Variants in RAD23A observed in about 807,000 individuals in gnomAD.
The protein encoded by RAD23A is lysine-specific demethylase RAD23A.
Under a neutral mutation model 44.8 loss-of-function variants are expected in RAD23A, and 16 were observed. The observed-to-expected ratio is 0.36, with a 90% CI of 0.24 to 0.54. The LOEUF is 0.54. Ranked by LOEUF, RAD23A falls within the 20% of genes least tolerant of loss-of-function variation. RAD23A has a pLI of 0.89. For synonymous variants in RAD23A, 217 were observed against 202.9 expected (o/e 1.07, Z -0.59); for missense variants, 380 against 483.3 (o/e 0.79, Z 2.00).
At position 12,948,805 on chromosome 19, in the gene RAD23A, C is replaced by G. The variant is rs769180661; in HGVS notation, c.592C>G (p.Leu198Val). The G allele has an allele frequency of 1.9e-5, 30 of 1,607,556 alleles. No homozygotes were observed. The highest frequency in any genetic ancestry group is 2.5e-5 in the Non-Finnish European group (29 of 1,177,826). ...CAACCCCCACCGAGCCGTGGAGTAT[C>G]TGCTCACGGTGAGGTGGGGCTTCCG... ...YNNPHRAVEY[L>V]LTGIPGSPEP... Residue 198 changes from leucine to valine, a missense_variant, in exon 5 of 9, where the codon CTG becomes GTG. Coordinates refer to ENST00000586534, the MANE Select transcript of RAD23A (RefSeq NM_005053.4). The surrounding 1 kb of genome is among the most constrained non-coding windows in gnomAD (Gnocchi z 5.5).
Position 12,948,157 on chromosome 19 carries a change from C to A in RAD23A, c.235-20C>A. On this transcript the variant is annotated intron_variant, in intron 2 of 8. Coordinates refer to ENST00000586534, the MANE Select transcript of RAD23A (RefSeq NM_005053.4). The surrounding 1 kb of genome is among the most constrained non-coding windows in gnomAD (Gnocchi z 5.5). ...CTGATAGGGTTGCTGATGCCAGCTC[C>A]CTTTTTCTTGCTGTTGCAGACCAAA... is the stretch of plus-strand genomic sequence containing the variant. The A allele has an allele frequency of 6.2e-7, 1 of 1,613,930 alleles. No individual in the cohort carries two copies. Among genetic ancestry groups the A allele is most frequent in the Non-Finnish European group, 8.5e-7 (1 of 1,179,956 alleles).
intron 1 of RAD23A, 49 bp downstream of exon 1, chr19:12,946,069 T>TGGGGGGGGGG (rs1555761820): frequency 1.2e-4 from 21 of 171,506 alleles, no homozygotes; most frequent in East Asian, 3.9e-4. Flanking sequence ...GTTTCGGGGG[T>TGGGGGGGGGG]GGGGTGGGGG....
intron 1 of RAD23A, among the ~76,000 whole-genome samples, chr19:12,947,614 CTG>C (rs1338341494): frequency 2.0e-5 from 3 of 152,172 alleles, no homozygotes; most frequent in Non-Finnish European, 4.4e-5. Flanking sequence ...GCTGTGGCCT[CTG>C]TGTCTAAAAC....
intron 7 of RAD23A, 153 bp downstream of exon 7, chr19:12,949,561 AC>A: frequency 1.9e-6 from 2 of 1,062,688 alleles, no homozygotes; most frequent in South Asian, 3.2e-5. Flanking sequence ...TGACCTGGTG[AC>A]CCCCCTGGTT....
At position 12,948,482 on chromosome 19, in the gene RAD23A, C is replaced by T. The variant is rs1371312175; in HGVS notation, c.417-15C>T. 5.1e-6 allele frequency: 8 copies of T among 1,575,374 alleles called. No individual in the cohort carries two copies. Among genetic ancestry groups the T allele is most frequent in the Non-Finnish European group, 6.9e-6 (8 of 1,161,566 alleles). ...CCAGAAGCCAGGGTCCGATTTCTCTCTCTTGAATTTGCAGCTCTGTTCCCT... is the reference window on the plus strand; with the variant it reads ...CCAGAAGCCAGGGTCCGATTTCTCTTTCTTGAATTTGCAGCTCTGTTCCCT... On this transcript the variant is annotated splice_polypyrimidine_tract_variant and intron_variant, in intron 3 of 8. Transcript: ENST00000586534. This position sits in a 1 kb window ranked among gnomAD's most constrained non-coding sequence, Gnocchi z 5.5.
At chr19:12,946,105 G>A in intron 1 of RAD23A, 85 bp downstream of exon 1, 1 of 1,316,178 alleles carries the variant, frequency 7.6e-7, no homozygotes, top group Non-Finnish European at 1.0e-6. Flanking sequence ...CCCAACGGGA[G>A]GGGCAGGGAG....
rs759608599 is a variant in RAD23A, at chr19:12,946,022, TGCGGGCCGGGCCGGAGCCCGGGG to T, written c.72+8_72+30del. The T allele has an allele frequency of 8.5e-7, 1 of 1,178,000 alleles. No homozygotes were observed. Among genetic ancestry groups the T allele is most frequent in the East Asian group, 6.7e-5 (1 of 14,836 alleles). 73.0% of individuals were successfully genotyped at this position (1,178,000 alleles called of 1,614,324 possible). ...ATCCGCATGGAGCCTGACGAGACGG[TGCGGGCCGGGCCGGAGCCCGGGG>T]GCGGGAGCGACGGGTTTCGGGGGTG... On this transcript the variant is annotated splice_donor_5th_base_variant and intron_variant, in intron 1 of 8. Transcript: ENST00000586534.
At chr19:12,951,189 C>T (rs536107112) in intron 7 of RAD23A, among the ~76,000 whole-genome samples, 1 of 152,274 alleles carries the variant, frequency 6.6e-6, no homozygotes, top group Admixed American at 6.5e-5. Context: ...GTTGCCCAGG[C>T]TGGTTTTGAA....
rs910578874 is a variant in RAD23A at position 12,949,304 on chromosome 19, G to C, written c.709G>C (p.Asp237His). 1.2e-6 allele frequency: 2 copies of C among 1,614,000 alleles called. No individual in the cohort carries two copies. Among genetic ancestry groups the C allele is most frequent in the African/African-American group, 2.7e-5 (2 of 74,922 alleles). ...AGAGAACCCCCTGGAGTTCCTGCGGGACCAGCCCCAGTTCCAGAACATGCG... is the reference window on the plus strand; with the variant it reads ...AGAGAACCCCCTGGAGTTCCTGCGGCACCAGCCCCAGTTCCAGAACATGCG... ...AGENPLEFLR[D>H]QPQFQNMRQV... Residue 237 changes from aspartate to histidine, a missense_variant, in exon 7 of 9, where the codon GAC (aspartate) becomes CAC (histidine). Asp to His is a moderately conservative substitution (Grantham distance 81). This residue lies in a region of RAD23A where 279 missense variants were observed against 313.7 expected (regional missense o/e 0.89). Coordinates refer to ENST00000586534, the MANE Select transcript of RAD23A (RefSeq NM_005053.4).
Position 12,952,814 on chromosome 19 carries a change from C to T in RAD23A, c.939C>T (p.Tyr313=). ...GAGAGGAGGCCCCGCAGATGAACTA[C>T]ATCCAGGTGACGCCGCAGGAGAAAG... ...AIGEEAPQMN[Y]IQVTPQEKEA... The change falls in exon 8 of 9, where the codon TAC becomes TAT. Residue 313 remains tyrosine, a synonymous_variant. Transcript: ENST00000586534. The T allele has an allele frequency of 6.2e-7, 1 of 1,609,238 alleles. No individual in the cohort carries two copies. Among genetic ancestry groups the T allele is most frequent in the Admixed American group, 1.7e-5 (1 of 59,170 alleles).
chr19:12,948,758 C>A lies in RAD23A; in HGVS notation c.545C>A (p.Ala182Asp). The A allele has an allele frequency of 3.7e-6, 6 of 1,613,508 alleles. No homozygotes were observed. Among genetic ancestry groups the A allele is most frequent in the Non-Finnish European group, 5.1e-6 (6 of 1,179,938 alleles). ...GGCTATGAGCGAGAGCGGGTCGTGGCCGCCCTGAGAGCCAGCTACAACAAC... is the reference window on the plus strand; with the variant it reads ...GGCTATGAGCGAGAGCGGGTCGTGGACGCCCTGAGAGCCAGCTACAACAAC... ...SMGYERERVV[A>D]ALRASYNNPH... Residue 182 changes from alanine (A) to aspartate (D), a missense_variant, in exon 5 of 9, where the codon GCC (alanine) becomes GAC (aspartate). Ala to Asp is a moderately radical substitution (Grantham distance 126). Transcript: ENST00000586534. This position sits in a 1 kb window ranked among gnomAD's most constrained non-coding sequence, Gnocchi z 5.5.
intron 7 of RAD23A, among the ~76,000 whole-genome samples, chr19:12,951,944 A>AT (rs1971823396): frequency 6.6e-6 from 1 of 150,538 alleles, no homozygotes; most frequent in East Asian, 2.0e-4. Context: ...TCACTCACTT[A>AT]TTTTTTGAGA....
chr19:12,950,465 C>A (rs1422750624), intron 7 of RAD23A, among the ~76,000 whole-genome samples: 1 of 151,890 alleles, frequency 6.6e-6, no homozygotes, highest in Admixed American at 6.6e-5. Context: ...AGTGCAATGG[C>A]GCAATCCCGG....
Position 12,948,061 on chromosome 19 carries a change from C to T in RAD23A, c.234+52C>T, listed in dbSNP as rs773022821. On this transcript the variant is annotated intron_variant, in intron 2 of 8. Coordinates refer to ENST00000586534, the MANE Select transcript of RAD23A (RefSeq NM_005053.4). The surrounding 1 kb of genome is among the most constrained non-coding windows in gnomAD (Gnocchi z 5.5). The stretch of plus-strand genomic sequence containing the variant: ...GTGGGTGGACGAGCTGGGGAGCTGG[C>T]AAAGAGCCTGTGTGCCCAGGAGAGA... 1.2e-6 allele frequency: 2 copies of T among 1,608,136 alleles called. No individual in the cohort carries two copies. Among genetic ancestry groups the T allele is most frequent in the Admixed American group, 1.7e-5 (1 of 59,928 alleles).
chr19:12,946,046 GCGGGAGCGACGGGTTTC>G (rs1298727623), intron 1 of RAD23A, 26 bp downstream of exon 1: 7 of 1,576,000 alleles, frequency 4.4e-6, no homozygotes, highest in East Asian at 2.3e-5. Flanking sequence ...GAGCCCGGGG[GCGGGAGCGACGGGTTTC>G]GGGGGTGGGG....
chr19:12,948,714 G>A lies in RAD23A; in HGVS notation c.501G>A (p.Leu167=), dbSNP rs926525835. 1.9e-6 allele frequency: 3 copies of A among 1,613,432 alleles called. No homozygotes were observed. The highest frequency in any genetic ancestry group is 2.5e-6 in the Non-Finnish European group (3 of 1,179,908). Residue 167 remains leucine, a synonymous_variant, in exon 5 of 9, where the codon CTG becomes CTA. Transcript: ENST00000586534. This position sits in a 1 kb window ranked among gnomAD's most constrained non-coding sequence, Gnocchi z 5.5. ...LVTGSEYETM[L]TEIMSMGYER... is the part of the protein sequence containing the mutation. ...CGGGCTCTGAGTATGAGACGATGCT[G>A]ACGGAGATCATGTCCATGGGCTATG...
At position 12,953,361 on chromosome 19, in the gene RAD23A, G is replaced by A. The variant is rs577530988; in HGVS notation, c.*312G>A. 50 of 207,160 alleles carry A rather than the reference G, an allele frequency of 2.4e-4. No individual in the cohort carries two copies. Among genetic ancestry groups the A allele is most frequent in the Non-Finnish European group, 4.5e-4 (48 of 105,548 alleles). The allele number at this position is 207,160 out of a possible 1,614,324, so 12.8% of individuals were successfully genotyped here. On this transcript the variant is annotated 3_prime_UTR_variant, in exon 9 of 9. Transcript: ENST00000586534. ...GCTCTCTGCAGCCAGACGGAAAGGCGGCTGCTTGCCTCTCCATCCTCCGAA... is the reference window on the plus strand; with the variant it reads ...GCTCTCTGCAGCCAGACGGAAAGGCAGCTGCTTGCCTCTCCATCCTCCGAA...
At chr19:12,946,219 G>A (rs970117984) in intron 1 of RAD23A, among the ~76,000 whole-genome samples, 199 bp downstream of exon 1, 6 of 152,198 alleles carry the variant, frequency 3.9e-5, no homozygotes, top group Non-Finnish European at 7.4e-5. Context: ...GCGCTCCTGC[G>A]CCGGTCTCCG....
Position 12,948,150 on chromosome 19 carries a change from C to T in RAD23A, c.235-27C>T, listed in dbSNP as rs1294049759. ...GTTGGGTCTGATAGGGTTGCTGATG[C>T]CAGCTCCCTTTTTCTTGCTGTTGCA... On this transcript the variant is annotated intron_variant, in intron 2 of 8. Coordinates refer to ENST00000586534, the MANE Select transcript of RAD23A (RefSeq NM_005053.4). The surrounding 1 kb of genome is among the most constrained non-coding windows in gnomAD (Gnocchi z 5.5). The T allele has an allele frequency of 6.2e-7, 1 of 1,613,574 alleles. No homozygotes were observed. Among genetic ancestry groups the T allele is most frequent in the Non-Finnish European group, 8.5e-7 (1 of 1,179,836 alleles).
Sources: gnomAD v4.1 joint callset for allele counts (sites outside exome capture counted in the v4.1 genomes callset) on GRCh38, gnomAD v4.1.1 for gene constraint, gnomAD v4.1.1 regional missense constraint, Gnocchi (gnomAD v3.1) non-coding constraint, MANE v1.5 for transcripts, NCBI Gene and HGNC (gene_info 2026-07-23, HGNC 2026-07-21) for gene names.